Variants in GABBR2 observed in about 807,000 individuals in gnomAD.
GABBR2 encodes the protein gamma-aminobutyric acid type B receptor subunit 2, also known as G-protein coupled receptor 51.
Under a neutral mutation model 105.6 loss-of-function variants are expected in GABBR2, and 23 were observed. That is an observed-to-expected ratio of 0.22 (90% CI 0.16 to 0.31). The LOEUF (loss-of-function observed/expected upper bound fraction) is 0.31, where lower values mean the gene tolerates loss of function less well. Ranked by LOEUF, GABBR2 falls within the 10% of genes least tolerant of loss-of-function variation. GABBR2 has a pLI of 1.00. For missense variants in GABBR2, 734 were observed against 1,245.5 expected, an observed-to-expected ratio of 0.59 and a Z score of 6.18; for synonymous variants, 478 against 499.7, an observed-to-expected ratio of 0.96 and a Z score of 0.58.
chr9:98,615,476 A>G (rs1374943374), intron 1 of GABBR2, among the ~76,000 whole-genome samples: 1 of 152,184 alleles, frequency 6.6e-6, no homozygotes, highest in African/African-American at 2.4e-5. Context: ...CAATTTAGAC[A>G]TGGCTGCAGG....
chr9:98,459,207 C>T (rs935977480), intron 6 of GABBR2, among the ~76,000 whole-genome samples: 6 of 152,152 alleles, frequency 3.9e-5, no homozygotes, highest in Admixed American at 1.3e-4. Context: ...TTCAGACTTC[C>T]ACTCTATGAT....
chr9:98,588,633 G>C (rs1442019897), intron 1 of GABBR2, among the ~76,000 whole-genome samples: 1 of 152,186 alleles, frequency 6.6e-6, no homozygotes, highest in African/African-American at 2.4e-5. Flanking sequence ...AGTGAGTGAG[G>C]GGCAGAGTTG....
At chr9:98,613,314 C>T (rs1279502468) in intron 1 of GABBR2, among the ~76,000 whole-genome samples, 3 of 152,190 alleles carry the variant, frequency 2.0e-5, no homozygotes, top group Admixed American at 6.5e-5. Flanking sequence ...GTGGTACACA[C>T]CTGTAGTCCC....
chr9:98,413,440 T>TA (rs1187442946), intron 7 of GABBR2, among the ~76,000 whole-genome samples: 1 of 150,786 alleles, frequency 6.6e-6, no homozygotes, highest in Admixed American at 6.6e-5. Context: ...CTGTAAAGTT[T>TA]AAAAAATATT....
intron 13 of GABBR2, among the ~76,000 whole-genome samples, chr9:98,349,292 G>A (rs1038578830): frequency 8.6e-5 from 12 of 139,508 alleles, no homozygotes; most frequent in African/African-American, 3.2e-4. Flanking sequence ...TGGTCGTGGT[G>A]TATTATCTTT....
At chr9:98,420,552 T>A (rs1832765491) in intron 7 of GABBR2, among the ~76,000 whole-genome samples, 1 of 152,210 alleles carries the variant, frequency 6.6e-6, no homozygotes, top group Admixed American at 6.5e-5. Context: ...TCCCCAAGAC[T>A]TAGTCCCTGC....
intron 2 of GABBR2, among the ~76,000 whole-genome samples, chr9:98,549,408 C>T (rs1828446742): frequency 1.3e-5 from 2 of 152,248 alleles, no homozygotes; most frequent in Middle Eastern, 6.8e-3. Flanking sequence ...AAATAAAGTT[C>T]AAGTCAGTTT....
chr9:98,444,337 G>A (rs1231597222), intron 7 of GABBR2, among the ~76,000 whole-genome samples: 1 of 152,124 alleles, frequency 6.6e-6, no homozygotes, highest in Non-Finnish European at 1.5e-5. Context: ...ATTTAAAGTA[G>A]GGTGTCAGGT....
chr9:98,364,967 T>C (rs1322902135), intron 12 of GABBR2, among the ~76,000 whole-genome samples: 2 of 152,212 alleles, frequency 1.3e-5, no homozygotes, highest in African/African-American at 2.4e-5. Flanking sequence ...CTCTGTTCCT[T>C]GATACCTGTG....
intron 1 of GABBR2, among the ~76,000 whole-genome samples, chr9:98,589,340 C>G (rs1829116566): frequency 1.3e-5 from 2 of 152,206 alleles, no homozygotes; most frequent in African/African-American, 4.8e-5. Context: ...CTCTGAGCAT[C>G]TGCTTCCCAG....
In GABBR2 at chr9:98,385,639, C is replaced by T. The variant is rs1832058906; in HGVS notation, c.1662+1G>A. 6.2e-7 allele frequency: 1 copy of T among 1,612,606 alleles called. No individual in the cohort carries two copies. Among genetic ancestry groups the T allele is most frequent in the South Asian group, 1.1e-5 (1 of 91,036 alleles). ...CCACTGGCTTATGCAGAATGACTTACGGTGCAAAGTGTTTCAAAGGTCTTT... is the reference window on the plus strand; with the variant it reads ...CCACTGGCTTATGCAGAATGACTTATGGTGCAAAGTGTTTCAAAGGTCTTT... On this transcript the variant is annotated splice_donor_variant, in intron 11 of 18. Coordinates refer to ENST00000259455, the MANE Select transcript of GABBR2 (RefSeq NM_005458.8). LOFTEE classifies it high-confidence loss of function.
At chr9:98,352,239 G>A (rs910327443) in intron 13 of GABBR2, among the ~76,000 whole-genome samples, 4 of 152,242 alleles carry the variant, frequency 2.6e-5, no homozygotes, top group African/African-American at 9.6e-5. Context: ...GGTGGTGGCA[G>A]TTGTCTACTG....
chr9:98,314,629 T>A (rs1369315188), intron 13 of GABBR2, among the ~76,000 whole-genome samples: 1 of 152,142 alleles, frequency 6.6e-6, no homozygotes, highest in Non-Finnish European at 1.5e-5. Flanking sequence ...TAGTACACAG[T>A]GCTTTCACGG....
At chr9:98,355,903 C>A (rs1465285688) in intron 13 of GABBR2, among the ~76,000 whole-genome samples, 1 of 152,174 alleles carries the variant, frequency 6.6e-6, no homozygotes, top group African/African-American at 2.4e-5. Context: ...AGAAATACAC[C>A]CACACAAACA....
Position 98,289,636 on chromosome 9 carries a change from GA to G in GABBR2, c.*947del, listed in dbSNP as rs35672692. On this transcript the variant is annotated 3_prime_UTR_variant, in exon 19 of 19. Coordinates refer to ENST00000259455, the MANE Select transcript of GABBR2 (RefSeq NM_005458.8). ...CTTTGGTCAGAAACAAAGTTAGTGG[GA>G]AAAAAAAAAAAAAAATCCCAGCCAG... is the stretch of plus-strand genomic sequence containing the variant. The G allele has an allele frequency of 0.32, 45,236 of 142,268 alleles. 9,045 individuals carry two copies. Among genetic ancestry groups the G allele is most frequent in the African/African-American group, 0.6 (23,409 of 39,064 alleles). The allele number at this position is 142,268 out of a possible 1,614,324, so 8.8% of individuals were successfully genotyped here.
At chr9:98,618,323 T>C (rs1829616655) in intron 1 of GABBR2, among the ~76,000 whole-genome samples, 1 of 152,316 alleles carries the variant, frequency 6.6e-6, no homozygotes, top group African/African-American at 2.4e-5. Flanking sequence ...TGGGGATTGT[T>C]CGATCACAAT....
In GABBR2 at chr9:98,320,420, C is replaced by T. The variant is rs1202861522; in HGVS notation, c.1894-9215G>A. Among the ~76,000 whole-genome samples the T allele has an allele frequency of 2.2e-4, 33 of 151,830 alleles. No homozygotes were observed. In the East Asian group the frequency reaches 4.1e-3, roughly 19 times the overall value. ...TCAACCACTGTGGAAGTCAGTGTGG[C>T]GATTCCTCAGGGATCTAGAACTAGA... On this transcript the variant is annotated intron_variant, in intron 13 of 18. Transcript: ENST00000259455.
intron 3 of GABBR2, among the ~76,000 whole-genome samples, chr9:98,498,474 A>C (rs1029281574): frequency 5.9e-5 from 9 of 152,230 alleles, no homozygotes; most frequent in Admixed American, 2.0e-4. Flanking sequence ...CATTTTGGAT[A>C]ATCTGGCCTT....
At chr9:98,579,610 C>T (rs1010373054) in intron 1 of GABBR2, among the ~76,000 whole-genome samples, 1 of 152,108 alleles carries the variant, frequency 6.6e-6, no homozygotes, top group Non-Finnish European at 1.5e-5. Flanking sequence ...ATATAACTCT[C>T]AAAAGGTTAA....
Sources: gnomAD v4.1 joint callset for allele counts (sites outside exome capture counted in the v4.1 genomes callset) on GRCh38, gnomAD v4.1.1 for gene constraint, MANE v1.5 for transcripts, NCBI Gene and HGNC (gene_info 2026-07-23, HGNC 2026-07-21) for gene names.